Variants in PPP1R42 observed in about 807,000 individuals in gnomAD.
The protein encoded by PPP1R42 is leucine rich repeat containing 67.
A neutral mutation model predicts 31.0 loss-of-function variants in PPP1R42; 34 were observed. The observed-to-expected ratio is 1.10, with a 90% CI of 0.83 to 1.46. The LOEUF is 1.46. Ranked by LOEUF, PPP1R42 falls within the 40% of genes most tolerant of loss-of-function variation. PPP1R42 has a pLI of 0.00. For synonymous variants in PPP1R42, 103 were observed against 109.8 expected (o/e 0.94, Z 0.39); for missense variants, 268 against 303.0 (o/e 0.88, Z 0.86).
At chr8:66,985,134 G>A in intron 6 of PPP1R42, 1 of 1,177,254 alleles carries the variant, frequency 8.5e-7, no homozygotes, top group Non-Finnish European at 1.3e-6. Flanking sequence ...TCAAAGTATG[G>A]ATGTCTGTTT....
intron 5 of PPP1R42, among the ~76,000 whole-genome samples, chr8:66,997,572 G>A (rs1156860854): frequency 2.8e-5 from 4 of 141,602 alleles, no homozygotes; most frequent in African/African-American, 1.0e-4. Context: ...CAAGAAACAC[G>A]GTCTCACTCT....
intron 7 of PPP1R42, among the ~76,000 whole-genome samples, chr8:66,978,574 C>T (rs955532179): frequency 2.0e-5 from 3 of 152,174 alleles, no homozygotes; most frequent in African/African-American, 7.2e-5. Flanking sequence ...GTGTGCACCA[C>T]CCCTGGCTAA....
chr8:67,002,396 A>C (rs1585665852), intron 5 of PPP1R42, among the ~76,000 whole-genome samples: 1 of 152,132 alleles, frequency 6.6e-6, no homozygotes, highest in Non-Finnish European at 1.5e-5. Flanking sequence ...ACGTGGTTTC[A>C]CCATGTTGGC....
chr8:66,978,137 T>C (rs759001199), intron 7 of PPP1R42, among the ~76,000 whole-genome samples: 2 of 152,172 alleles, frequency 1.3e-5, no homozygotes, highest in Non-Finnish European at 2.9e-5. Flanking sequence ...AAAAGAGGTT[T>C]AATGGACTCA....
At chr8:67,026,688 C>T (rs1192166644) in intron 1 of PPP1R42, among the ~76,000 whole-genome samples, 3 of 151,700 alleles carry the variant, frequency 2.0e-5, no homozygotes, top group South Asian at 2.1e-4. Flanking sequence ...ATAAATGAGC[C>T]GGGCATGGTG....
At chr8:66,967,299 A>G (rs1300404341) in intron 7 of PPP1R42, among the ~76,000 whole-genome samples, 1 of 152,166 alleles carries the variant, frequency 6.6e-6, no homozygotes, top group Non-Finnish European at 1.5e-5. Flanking sequence ...GCTTACCACT[A>G]TTGTGCTTTT....
chr8:66,981,519 A>G (rs1294772114), intron 7 of PPP1R42, among the ~76,000 whole-genome samples: 1 of 151,768 alleles, frequency 6.6e-6, no homozygotes, highest in East Asian at 1.9e-4. Context: ...AGATGGGATT[A>G]CAGGTGCCTG....
At chr8:66,992,177 T>C (rs1310318931) in intron 5 of PPP1R42, among the ~76,000 whole-genome samples, 1 of 152,178 alleles carries the variant, frequency 6.6e-6, no homozygotes, top group African/African-American at 2.4e-5. Context: ...GGATCCTTCA[T>C]GAATCTCTGA....
At chr8:67,009,297 G>A (rs1164254327) in intron 5 of PPP1R42, among the ~76,000 whole-genome samples, 1 of 151,910 alleles carries the variant, frequency 6.6e-6, no homozygotes, top group Non-Finnish European at 1.5e-5. Flanking sequence ...GCCGGGTCCG[G>A]TGGCTCACAC....
intron 1 of PPP1R42, among the ~76,000 whole-genome samples, chr8:67,023,838 GT>G (rs201069797): frequency 2.7e-5 from 4 of 150,440 alleles, no homozygotes; most frequent in African/African-American, 9.8e-5. Context: ...TTTGCTGTAA[GT>G]TTTTTTTTAA....
intron 5 of PPP1R42, 46 bp downstream of exon 5, chr8:67,010,669 A>G (rs369245648): frequency 3.2e-5 from 42 of 1,304,996 alleles, no homozygotes; most frequent in Non-Finnish European, 4.6e-5. Flanking sequence ...TTTTTCAATC[A>G]TAATTTCATG....
intron 7 of PPP1R42, among the ~76,000 whole-genome samples, chr8:66,965,081 TTTTGA>T (rs1814342603): frequency 6.6e-6 from 1 of 152,186 alleles, no homozygotes; most frequent in East Asian, 1.9e-4. Flanking sequence ...AGCATAATGC[TTTTGA>T]GATCCATGTT....
intron 7 of PPP1R42, 36 bp from the exon 8 acceptor site, chr8:66,964,370 T>TA (rs1411687919): frequency 4.3e-6 from 5 of 1,165,400 alleles, no homozygotes; most frequent in Non-Finnish European, 4.4e-6. Flanking sequence ...AGCATTAAAT[T>TA]AAAAAAATGA....
chr8:66,972,590 A>T (rs1339855526), intron 7 of PPP1R42, among the ~76,000 whole-genome samples: 2 of 152,034 alleles, frequency 1.3e-5, no homozygotes, highest in Non-Finnish European at 2.9e-5. Flanking sequence ...GGGTTTCACC[A>T]TGTTGGCCAG....
intron 6 of PPP1R42, chr8:66,984,209 C>T: frequency 6.4e-6 from 10 of 1,551,032 alleles, no homozygotes; most frequent in Non-Finnish European, 8.9e-6. Context: ...CTGAAATGCT[C>T]ATGAGCTATG....
chr8:66,973,595 C>A (rs567890204), intron 7 of PPP1R42, among the ~76,000 whole-genome samples: 1 of 152,088 alleles, frequency 6.6e-6, no homozygotes, highest in Non-Finnish European at 1.5e-5. Context: ...TGTGAACCAC[C>A]GCGCCCAGCC....
chr8:67,007,789 T>C (rs1815729657), intron 5 of PPP1R42, among the ~76,000 whole-genome samples: 2 of 152,122 alleles, frequency 1.3e-5, no homozygotes, highest in African/African-American at 4.8e-5. Flanking sequence ...GGTTATCATA[T>C]CTACTGTGTC....
intron 7 of PPP1R42, among the ~76,000 whole-genome samples, chr8:66,965,618 G>A (rs1274113545): frequency 6.6e-6 from 1 of 151,754 alleles, no homozygotes; most frequent in African/African-American, 2.4e-5. Context: ...CCAGCTTAAC[G>A]TTATAAGAAT....
intron 7 of PPP1R42, among the ~76,000 whole-genome samples, chr8:66,969,056 T>A (rs1814465512): frequency 6.6e-6 from 1 of 152,184 alleles, no homozygotes. Flanking sequence ...ATGCATTTAG[T>A]TCTGTATTTA....
Sources: allele counts gnomAD v4.1 joint callset (sites outside exome capture counted in the v4.1 genomes callset), GRCh38; gene constraint gnomAD v4.1.1; transcripts MANE v1.5; gene names NCBI Gene and HGNC (gene_info 2026-07-23, HGNC 2026-07-21).